FGGY: variants seen among roughly 807,000 people sequenced by gnomAD.
FGGY encodes the protein FGGY carbohydrate kinase domain-containing protein.
A neutral mutation model predicts 71.3 loss-of-function variants in FGGY; 72 were observed. The observed-to-expected ratio is 1.01, with a 90% CI of 0.84 to 1.23. The LOEUF (loss-of-function observed/expected upper bound fraction) is 1.23. Among genes scored for constraint, FGGY ranks in the 50% most tolerant of loss-of-function variants. The pLI is 0.00. For synonymous variants in FGGY, 251 were observed against 250.3 expected, an observed-to-expected ratio of 1.00 and a Z score of -0.02; for missense variants, 668 against 682.3, an observed-to-expected ratio of 0.98 and a Z score of 0.23.
At chr1:59,502,917 A>G (rs773130511) in intron 6 of FGGY, among the ~76,000 whole-genome samples, 15 of 152,210 alleles carry the variant, frequency 9.9e-5, no homozygotes, top group Admixed American at 1.3e-4. Context: ...GCATGTTCGG[A>G]TTTCATGACT....
chr1:59,601,111 C>G (rs1389039609), intron 8 of FGGY, among the ~76,000 whole-genome samples: 1 of 151,782 alleles, frequency 6.6e-6, no homozygotes, highest in Non-Finnish European at 1.5e-5. Context: ...TGGAAATACC[C>G]GGTCCCACAC....
chr1:59,655,468 C>T (rs1052146244), intron 11 of FGGY, among the ~76,000 whole-genome samples: 1 of 151,858 alleles, frequency 6.6e-6, no homozygotes, highest in Admixed American at 6.6e-5. Flanking sequence ...TGATGTTCCC[C>T]TCCCTGTGTC....
chr1:59,721,176 A>T (rs748013140), intron 14 of FGGY, among the ~76,000 whole-genome samples: 21 of 151,910 alleles, frequency 1.4e-4, no homozygotes, highest in Non-Finnish European at 2.8e-4. Context: ...TTTTCTCCCT[A>T]GTACTTACCA....
Position 59,675,697 on chromosome 1 carries a change from G to A in FGGY, c.1512+1564G>A, listed in dbSNP as rs539082865. ...TTATTATTTTAGTGTATCAGCTGACGGAGATGTTCTCACAATTAAATATCT... is the reference window on the plus strand; with the variant it reads ...TTATTATTTTAGTGTATCAGCTGACAGAGATGTTCTCACAATTAAATATCT... On this transcript the variant is annotated intron_variant, in intron 14 of 15. Transcript: ENST00000303721. 1.2e-4 allele frequency among the ~76,000 whole-genome samples: 18 copies of A among 152,264 alleles called. 1 individual carries two copies. In the South Asian group the frequency reaches 2.7e-3, roughly 23 times the overall value.
intron 6 of FGGY, among the ~76,000 whole-genome samples, chr1:59,472,690 T>A (rs2093024053): frequency 6.6e-6 from 1 of 152,152 alleles, no homozygotes; most frequent in Admixed American, 6.5e-5. Flanking sequence ...AATGCACCAG[T>A]CCACACTCTG....
At chr1:59,663,836 A>G (rs995324681) in intron 12 of FGGY, among the ~76,000 whole-genome samples, 9 of 151,512 alleles carry the variant, frequency 5.9e-5, no homozygotes, top group African/African-American at 1.5e-4. Flanking sequence ...TCAACTTGGG[A>G]AAAAAAAATG....
intron 13 of FGGY, among the ~76,000 whole-genome samples, chr1:59,669,540 C>CTTTTTTTTTTTTTTTTTTTTTTTTTTTT (rs58004594): frequency 2.0e-5 from 2 of 102,500 alleles, no homozygotes; most frequent in African/African-American, 3.8e-5. Flanking sequence ...TTCTAGACTT[C>CTTTTTTTTTTTTTTTTTTTTTTTTTTTT]TTTTTTTTTT....
chr1:59,318,558 GA>G (rs2153115375), intron 1 of FGGY: 1 of 152,334 alleles, frequency 6.6e-6, no homozygotes, highest in African/African-American at 2.4e-5. Context: ...AGGGTGGTAA[GA>G]TGATGTATTT....
At chr1:59,402,195 G>A (rs150372890) in intron 5 of FGGY, among the ~76,000 whole-genome samples, 13 of 152,306 alleles carry the variant, frequency 8.5e-5, no homozygotes, top group African/African-American at 2.2e-4. Context: ...GTGAACATTC[G>A]TTGCCTCTTT....
intron 9 of FGGY, among the ~76,000 whole-genome samples, chr1:59,624,834 A>G (rs2096841916): frequency 6.6e-6 from 1 of 152,216 alleles, no homozygotes; most frequent in Non-Finnish European, 1.5e-5. Flanking sequence ...TATGGGAGTT[A>G]CAATTCAAGA....
At chr1:59,653,147 T>C (rs957164728) in intron 11 of FGGY, among the ~76,000 whole-genome samples, 2 of 152,188 alleles carry the variant, frequency 1.3e-5, no homozygotes, top group Non-Finnish European at 1.5e-5. Context: ...GAACCACTGC[T>C]CTCTTCAAAG....
At chr1:59,717,766 G>T (rs1247646424) in intron 14 of FGGY, among the ~76,000 whole-genome samples, 3 of 152,304 alleles carry the variant, frequency 2.0e-5, no homozygotes, top group Admixed American at 6.5e-5. Flanking sequence ...GACGGAAAAG[G>T]CAAGAATTAT....
intron 8 of FGGY, among the ~76,000 whole-genome samples, chr1:59,588,587 T>G (rs1255406125): frequency 1.3e-5 from 2 of 152,096 alleles, no homozygotes; most frequent in Non-Finnish European, 2.9e-5. Context: ...TAACAGCAGA[T>G]CTCTTGGCAG....
intron 5 of FGGY, among the ~76,000 whole-genome samples, chr1:59,420,130 G>A (rs745439587): frequency 7.2e-5 from 11 of 152,126 alleles, no homozygotes; most frequent in Non-Finnish European, 1.5e-4. Flanking sequence ...GCCGCTTTGG[G>A]CCCTTCACAA....
At chr1:59,573,989 ATT>A (rs2096034804) in intron 8 of FGGY, among the ~76,000 whole-genome samples, 1 of 152,188 alleles carries the variant, frequency 6.6e-6, no homozygotes, top group Non-Finnish European at 1.5e-5. Context: ...TCTGTACTAT[ATT>A]ATCTGTGTAT....
chr1:59,757,137 T>C (rs1395153434), intron 14 of FGGY, among the ~76,000 whole-genome samples: 3 of 152,210 alleles, frequency 2.0e-5, no homozygotes, highest in Admixed American at 6.5e-5. Context: ...TTTGTCGTGC[T>C]GTTGCTTGCA....
At chr1:59,447,412 G>A (rs2071536469) in intron 5 of FGGY, among the ~76,000 whole-genome samples, 1 of 152,146 alleles carries the variant, frequency 6.6e-6, no homozygotes, top group Non-Finnish European at 1.5e-5. Context: ...GGAGCTTGAG[G>A]GCTGGCCTGC....
chr1:59,731,789 T>C (rs562624770), intron 14 of FGGY, among the ~76,000 whole-genome samples: 5 of 152,236 alleles, frequency 3.3e-5, no homozygotes, highest in African/African-American at 1.2e-4. Flanking sequence ...TCTATGATGA[T>C]GCCTCTGAGT....
intron 11 of FGGY, among the ~76,000 whole-genome samples, chr1:59,650,085 T>A (rs1298443404): frequency 6.7e-6 from 1 of 148,652 alleles, no homozygotes; most frequent in Non-Finnish European, 1.5e-5. Flanking sequence ...CCAGCCTTGA[T>A]CCCAGGGATG....
Sources: gnomAD v4.1 joint callset for allele counts (sites outside exome capture counted in the v4.1 genomes callset) on GRCh38, gnomAD v4.1.1 for gene constraint, MANE v1.5 for transcripts, NCBI Gene and HGNC (gene_info 2026-07-23, HGNC 2026-07-21) for gene names.